The following LRRC20 variants were observed in gnomAD, a reference collection of about 807,000 sequenced individuals.
The protein encoded by LRRC20 is leucine-rich repeat-containing protein 20.
Under a neutral mutation model 14.4 loss-of-function variants are expected in LRRC20, and 11 were observed. The observed-to-expected ratio is 0.77, with a 90% CI of 0.48 to 1.27. LRRC20 has a LOEUF of 1.27. LRRC20 is among the 50% of genes most tolerant of loss of function. The pLI is 0.00. For missense variants in LRRC20, 219 were observed against 251.2 expected (o/e 0.87, Z 0.87); for synonymous variants, 121 against 107.3 (o/e 1.13, Z -0.79).
chr10:70,362,219 G>A (rs1479090030), intron 2 of LRRC20, among the ~76,000 whole-genome samples: 1 of 152,218 alleles, frequency 6.6e-6, no homozygotes, highest in East Asian at 1.9e-4. Context: ...GGGCCTTAAA[G>A]TATAAGAAGG....
intron 2 of LRRC20, among the ~76,000 whole-genome samples, chr10:70,347,556 C>T (rs1270716615): frequency 2.6e-5 from 4 of 152,080 alleles, no homozygotes; most frequent in Admixed American, 6.6e-5. Flanking sequence ...CGGTGGCTCA[C>T]GTGTGTAATT....
intron 4 of LRRC20, among the ~76,000 whole-genome samples, chr10:70,305,704 C>G (rs1258477447): frequency 6.6e-6 from 1 of 151,550 alleles, no homozygotes; most frequent in Non-Finnish European, 1.5e-5. Context: ...AAAATAAAAA[C>G]TAGCAAAAAT....
chr10:70,370,626 C>T (rs1278571638), intron 2 of LRRC20, among the ~76,000 whole-genome samples: 1 of 152,060 alleles, frequency 6.6e-6, no homozygotes, highest in Non-Finnish European at 1.5e-5. Context: ...ACCTGTAACC[C>T]CAGCTACTTG....
rs1014214277 is a variant in LRRC20, at chr10:70,299,843, A to T, written c.*1511T>A. ...CGAGCAGAATGAACAGAGTCTCTTG[A>T]GATACTGAGCGCTCAGTGATGGCCC... is the stretch of plus-strand genomic sequence containing the variant. On this transcript the variant is annotated 3_prime_UTR_variant, in exon 5 of 5. Transcript: ENST00000446961. 1 of 152,202 alleles carries T rather than the reference A, an allele frequency of 6.6e-6. No individual in the cohort carries two copies. The highest frequency in any genetic ancestry group is 1.5e-5 in the Non-Finnish European group (1 of 68,078). The allele number at this position is 152,202 out of a possible 1,614,324, so 9.4% of individuals were successfully genotyped here. A position where few individuals can be genotyped will look rare whatever the true frequency, so the allele number is the denominator to read the frequency against.
chr10:70,347,541 G>A lies in LRRC20; in HGVS notation c.83-6839C>T, dbSNP rs186014598. ...CTGATTTAGGCAACATACAAGTGCC[G>A]GGCACGGTGGCTCACGTGTGTAATT... On this transcript the variant is annotated intron_variant, in intron 2 of 4. Transcript: ENST00000446961. Among the ~76,000 whole-genome samples, 11 of 152,180 alleles carry A rather than the reference G, an allele frequency of 7.2e-5. No homozygotes were observed. In the East Asian group the frequency reaches 9.7e-4, roughly 13 times the overall value.
At chr10:70,346,046 A>G (rs925396340) in intron 2 of LRRC20, among the ~76,000 whole-genome samples, 3 of 152,112 alleles carry the variant, frequency 2.0e-5, no homozygotes, top group Admixed American at 1.3e-4. Flanking sequence ...AGATCACTTG[A>G]GTTTGAGACC....
chr10:70,370,402 C>A (rs1028741709), intron 2 of LRRC20, among the ~76,000 whole-genome samples: 4 of 152,056 alleles, frequency 2.6e-5, no homozygotes, highest in Admixed American at 6.6e-5. Flanking sequence ...CCAGAATAAC[C>A]TACTGTGAGC....
At chr10:70,308,111 AG>A (rs1254344877) in intron 4 of LRRC20, among the ~76,000 whole-genome samples, 6 of 152,114 alleles carry the variant, frequency 3.9e-5, no homozygotes, top group African/African-American at 1.4e-4. Flanking sequence ...TGGCTCCCGG[AG>A]CCCCTCACCA....
intron 2 of LRRC20, among the ~76,000 whole-genome samples, chr10:70,374,668 T>C (rs1844442639): frequency 6.6e-6 from 1 of 151,890 alleles, no homozygotes; most frequent in Non-Finnish European, 1.5e-5. Context: ...GAAGCAGGGG[T>C]AGGTTACTCA....
intron 2 of LRRC20, among the ~76,000 whole-genome samples, chr10:70,343,485 G>A (rs1842983326): frequency 6.6e-6 from 1 of 152,210 alleles, no homozygotes; most frequent in African/African-American, 2.4e-5. Context: ...CAGCCCTGCG[G>A]CTGCCCAGTG....
At chr10:70,363,920 G>A (rs574080815) in intron 2 of LRRC20, among the ~76,000 whole-genome samples, 5 of 152,202 alleles carry the variant, frequency 3.3e-5, no homozygotes, top group Non-Finnish European at 7.3e-5. Flanking sequence ...CCCCCTGGGA[G>A]AGCAGCACAG....
chr10:70,333,165 TGCAAGAAGTGTTA>T (rs960632754), intron 3 of LRRC20, among the ~76,000 whole-genome samples: 62 of 152,208 alleles, frequency 4.1e-4, no homozygotes, highest in African/African-American at 1.5e-3. Context: ...CTTACAGGGT[TGCAAGAAGTGTTA>T]GCTTGGGCTC....
At chr10:70,372,668 T>G (rs149585151) in intron 2 of LRRC20, among the ~76,000 whole-genome samples, 3 of 151,900 alleles carry the variant, frequency 2.0e-5, no homozygotes, top group Non-Finnish European at 2.9e-5. Context: ...GGTTTCGATC[T>G]CCTGACCTTG....
intron 4 of LRRC20, among the ~76,000 whole-genome samples, chr10:70,314,455 G>A (rs1841784222): frequency 6.6e-6 from 1 of 152,160 alleles, no homozygotes; most frequent in South Asian, 2.1e-4. Flanking sequence ...CTGGCCTTGT[G>A]ATTATTAAAC....
intron 2 of LRRC20, among the ~76,000 whole-genome samples, chr10:70,348,310 C>T (rs941056850): frequency 6.6e-6 from 1 of 152,172 alleles, no homozygotes; most frequent in African/African-American, 2.4e-5. Context: ...AGGAGAGGTC[C>T]ATGATCTCCA....
intron 3 of LRRC20, among the ~76,000 whole-genome samples, chr10:70,326,297 T>TACACACACACACACACAC (rs3998644): frequency 2.1e-5 from 3 of 140,382 alleles, no homozygotes; most frequent in Non-Finnish European, 3.1e-5. Flanking sequence ...CGCCTCTGTG[T>TACACACACACACACACAC]ACACACACAC....
intron 1 of LRRC20, among the ~76,000 whole-genome samples, chr10:70,377,843 TAA>T (rs1844566761): frequency 6.6e-6 from 1 of 152,186 alleles, no homozygotes. Flanking sequence ...GCATTTCCAC[TAA>T]AGAGGCTGAC....
chr10:70,349,729 T>G (rs1843221551), intron 2 of LRRC20, among the ~76,000 whole-genome samples: 1 of 152,108 alleles, frequency 6.6e-6, no homozygotes, highest in African/African-American at 2.4e-5. Context: ...GAGGCACATG[T>G]TGATAGGTAA....
Position 70,377,245 on chromosome 10 carries a change from A to G in LRRC20, c.-63-649T>C, listed in dbSNP as rs184428580. Among the ~76,000 whole-genome samples, 204 of 152,310 alleles carry G rather than the reference A, an allele frequency of 1.3e-3. 2 individuals carry two copies. The highest frequency in any genetic ancestry group is 5.0e-3 in the East Asian group (26 of 5,176). On this transcript the variant is annotated intron_variant, in intron 1 of 4. Transcript: ENST00000446961. ...AGACCTGATTATCAGCCTGATGCTG[A>G]GTTTATCTGCAAGAAAAGCGGGCAG...
Sources: gnomAD v4.1 joint callset for allele counts (sites outside exome capture counted in the v4.1 genomes callset) on GRCh38, gnomAD v4.1.1 for gene constraint, MANE v1.5 for transcripts, NCBI Gene and HGNC (gene_info 2026-07-23, HGNC 2026-07-21) for gene names.